The following CDKN3 variants were observed in gnomAD, a reference collection of about 807,000 sequenced individuals.
CDKN3 encodes cyclin-dependent kinase inhibitor 3.
Under a neutral mutation model 36.1 loss-of-function variants are expected in CDKN3, and 19 were observed. The observed-to-expected ratio is 0.53, with a 90% CI of 0.37 to 0.77. The LOEUF is 0.77. Among genes scored for constraint, CDKN3 ranks in the 30% least tolerant of loss-of-function variants. The pLI, the probability that CDKN3 is intolerant of heterozygous loss-of-function variation, is 0.00. For synonymous variants in CDKN3, 71 were observed against 85.3 expected (o/e 0.83, Z 0.92); for missense variants, 188 against 248.6 (o/e 0.76, Z 1.64).
chr14:54,414,543 CTT>C (rs112279322), intron 5 of CDKN3, among the ~76,000 whole-genome samples: 14 of 139,604 alleles, frequency 1.0e-4, no homozygotes, highest in Non-Finnish European at 9.5e-5. Flanking sequence ...CTATCTTGAT[CTT>C]TTTTTTTTTT....
At chr14:54,408,857 C>A in intron 4 of CDKN3, 68 bp downstream of exon 4, 3 of 1,466,838 alleles carry the variant, frequency 2.0e-6, no homozygotes, top group Admixed American at 2.9e-5. Context: ...AACTCTCTGT[C>A]AAAAAGAACA....
intron 3 of CDKN3, among the ~76,000 whole-genome samples, chr14:54,406,334 G>A (rs1301198477): frequency 1.3e-5 from 2 of 151,982 alleles, no homozygotes; most frequent in East Asian, 3.9e-4. Context: ...TGCTCTTCTC[G>A]TGGAGTATCT....
At chr14:54,413,739 T>A in intron 5 of CDKN3, 1 of 1,524,308 alleles carries the variant, frequency 6.6e-7, no homozygotes, top group Non-Finnish European at 8.8e-7. Context: ...CACTGACCTG[T>A]TGTCTACCAG....
At chr14:54,398,321 GTCCCCA>G (rs1886378763) in intron 1 of CDKN3, among the ~76,000 whole-genome samples, 2 of 152,152 alleles carry the variant, frequency 1.3e-5, no homozygotes, top group African/African-American at 4.8e-5. Flanking sequence ...TTCTCCACCT[GTCCCCA>G]TTGAGTTATC....
intron 1 of CDKN3, among the ~76,000 whole-genome samples, chr14:54,397,799 G>A (rs1008743409): frequency 9.2e-5 from 14 of 152,346 alleles, no homozygotes; most frequent in African/African-American, 3.1e-4. Context: ...TTTGGGTGCA[G>A]TTGATTATAA....
chr14:54,402,160 C>G (rs552529287), intron 3 of CDKN3, among the ~76,000 whole-genome samples: 28 of 150,226 alleles, frequency 1.9e-4, no homozygotes, highest in African/African-American at 6.9e-4. Context: ...GAGCCGAGAT[C>G]GCACCACTGC....
At chr14:54,418,757 A>G (rs1412188069) in intron 7 of CDKN3, among the ~76,000 whole-genome samples, 3 of 151,954 alleles carry the variant, frequency 2.0e-5, no homozygotes, top group African/African-American at 7.3e-5. Flanking sequence ...TGATAAATTC[A>G]CCAAGCAACC....
chr14:54,416,217 A>C (rs1023996669), intron 6 of CDKN3, among the ~76,000 whole-genome samples: 23 of 152,332 alleles, frequency 1.5e-4, no homozygotes, highest in African/African-American at 5.5e-4. Flanking sequence ...TGGAGGTGTT[A>C]TAATAGAGTA....
intron 5 of CDKN3, chr14:54,414,247 A>G (rs2030455511): frequency 6.6e-6 from 1 of 152,604 alleles, no homozygotes; most frequent in Non-Finnish European, 1.5e-5. Flanking sequence ...TTGGGGGGAC[A>G]TAATTCAACC....
At chr14:54,413,672 C>A in intron 5 of CDKN3, 1 of 1,535,414 alleles carries the variant, frequency 6.5e-7, no homozygotes, top group Non-Finnish European at 8.7e-7. Context: ...TGAGGACCCA[C>A]ACTTCTAGAC....
intron 5 of CDKN3, 137 bp from the exon 6 acceptor site, chr14:54,415,758 CAAAA>C: frequency 5.7e-6 from 4 of 707,860 alleles, no homozygotes; most frequent in Non-Finnish European, 1.0e-5. Flanking sequence ...TTGATTAAAT[CAAAA>C]ATATTTATTA....
intron 1 of CDKN3, 94 bp downstream of exon 1, chr14:54,397,171 T>C: frequency 1.5e-6 from 2 of 1,296,338 alleles, no homozygotes; most frequent in South Asian, 3.5e-5. Flanking sequence ...AGCCCTAGCC[T>C]GGTAGCAGTG....
At chr14:54,398,987 CTTTT>C (rs113342693) in intron 1 of CDKN3, among the ~76,000 whole-genome samples, 1 of 109,272 alleles carries the variant, frequency 9.2e-6, no homozygotes, top group Non-Finnish European at 1.8e-5. Flanking sequence ...TTTCTTCTTC[CTTTT>C]TTTTTTTTTT....
At chr14:54,406,973 C>T (rs57678300) in intron 3 of CDKN3, among the ~76,000 whole-genome samples, 2 of 152,136 alleles carry the variant, frequency 1.3e-5, no homozygotes, top group South Asian at 2.1e-4. Context: ...CTCATCTTCG[C>T]GGATTTATCT....
At chr14:54,415,364 A>G (rs963244008) in intron 5 of CDKN3, among the ~76,000 whole-genome samples, 31 of 152,330 alleles carry the variant, frequency 2.0e-4, no homozygotes, top group African/African-American at 7.5e-4. Context: ...AAAGGTGAAA[A>G]GGCTGAGTCC....
chr14:54,410,053 T>C (rs1433982799), intron 4 of CDKN3, among the ~76,000 whole-genome samples: 1 of 152,228 alleles, frequency 6.6e-6, no homozygotes, highest in East Asian at 1.9e-4. Flanking sequence ...AAAATATATG[T>C]AATTTAAATC....
intron 5 of CDKN3, 172 bp downstream of exon 5, chr14:54,411,878 A>T: frequency 1.5e-6 from 1 of 660,458 alleles, no homozygotes. Context: ...TAAGTAGTCA[A>T]ATACGTGCTG....
At chr14:54,405,694 A>G (rs1330230883) in intron 3 of CDKN3, among the ~76,000 whole-genome samples, 1 of 152,022 alleles carries the variant, frequency 6.6e-6, no homozygotes, top group African/African-American at 2.4e-5. Flanking sequence ...TTTGTTTGGT[A>G]AATATTTCTC....
At chr14:54,399,745 T>A (rs527747394) in intron 1 of CDKN3, 149 bp from the exon 2 acceptor site, 1 of 631,730 alleles carries the variant, frequency 1.6e-6, no homozygotes, top group African/African-American at 1.9e-5. Flanking sequence ...CAGTCATTTA[T>A]TATTAATATT....
Sources: allele counts gnomAD v4.1 joint callset (sites outside exome capture counted in the v4.1 genomes callset), GRCh38; gene constraint gnomAD v4.1.1; transcripts MANE v1.5; gene names NCBI Gene and HGNC (gene_info 2026-07-23, HGNC 2026-07-21).